Variants in SLC20A2 observed in about 807,000 individuals in gnomAD.
SLC20A2 encodes the protein sodium-dependent phosphate transporter 2.
A neutral mutation model predicts 61.0 loss-of-function variants in SLC20A2; 30 were observed. The ratio of observed to expected loss-of-function variants is 0.49; its 90% CI spans 0.37 to 0.67. The LOEUF is 0.67. SLC20A2 is among the 30% of genes least tolerant of loss of function. The pLI, the probability that SLC20A2 is intolerant of heterozygous loss-of-function variation, is 0.00. For missense variants in SLC20A2, 626 were observed against 866.4 expected, an observed-to-expected ratio of 0.72 and a Z score of 3.48; for synonymous variants, 351 against 353.3, an observed-to-expected ratio of 0.99 and a Z score of 0.07.
Position 42,455,240 on chromosome 8 carries a change from A to T in SLC20A2, c.613+4656T>A, listed in dbSNP as rs1399108092. ...ACTCCGTCTAAAAAAAAAAAAAAAA[A>T]AATATATATATATATATAGAGAGAG... On this transcript the variant is annotated intron_variant, in intron 5 of 10. Coordinates refer to ENST00000520262, the MANE Select transcript of SLC20A2 (RefSeq NM_001257180.2). Among the ~76,000 whole-genome samples, 41 of 95,436 alleles carry T rather than the reference A, an allele frequency of 4.3e-4. No individual in the cohort carries two copies. The East Asian group carries it at 9.9e-3, about 23-fold the overall frequency. 62.6% of individuals were successfully genotyped at this position (95,436 alleles called of 152,430 possible). A position where few individuals can be genotyped will look rare whatever the true frequency, so the allele number is the denominator to read the frequency against.
intron 1 of SLC20A2, among the ~76,000 whole-genome samples, chr8:42,523,312 A>C (rs1811712156): frequency 6.6e-6 from 1 of 152,214 alleles, no homozygotes; most frequent in Admixed American, 6.5e-5. Flanking sequence ...CCTGGGCAAC[A>C]ACAGCGAAAC....
In SLC20A2 at chr8:42,526,630, G is replaced by A. The variant is rs374334360; in HGVS notation, c.-265+15191C>T. Among the ~76,000 whole-genome samples the A allele has an allele frequency of 4.3e-3, 637 of 148,496 alleles. 5 individuals are homozygous for A. Among genetic ancestry groups the A allele is most frequent in the African/African-American group, 0.014 (567 of 40,236 alleles). ...AGAGGTTGCAGTGAGCCGAGATCGC[G>A]CCACTGCACCCCAGCCTGGGCGACA... On this transcript the variant is annotated intron_variant, in intron 1 of 10. Transcript: ENST00000342228.
chr8:42,493,785 G>A (rs1336877283), intron 1 of SLC20A2, among the ~76,000 whole-genome samples: 2 of 152,130 alleles, frequency 1.3e-5, no homozygotes, highest in Non-Finnish European at 2.9e-5. Flanking sequence ...CAGTTTACGT[G>A]GGTGTCTCTC....
Position 42,472,057 on chromosome 8 carries a change from G to A in SLC20A2, c.289+45C>T. ...TGGGCAAAGTACTGCAGGGAAGCGG[G>A]TCAGTGGGCGGATGTCCCATCGGTA... is the stretch of plus-strand genomic sequence containing the variant. On this transcript the variant is annotated intron_variant, in intron 2 of 10. Coordinates refer to ENST00000520262, the MANE Select transcript of SLC20A2 (RefSeq NM_001257180.2). This position sits in a 1 kb window ranked among gnomAD's most constrained non-coding sequence, Gnocchi z 4.1. 1 of 1,570,664 alleles carries A rather than the reference G, an allele frequency of 6.4e-7. No homozygotes were observed. Among genetic ancestry groups the A allele is most frequent in the South Asian group, 1.1e-5 (1 of 89,076 alleles).
intron 1 of SLC20A2, among the ~76,000 whole-genome samples, chr8:42,476,402 C>T (rs571371257): frequency 1.3e-5 from 2 of 152,192 alleles, no homozygotes; most frequent in Admixed American, 1.3e-4. Context: ...CGTGCCCGGC[C>T]GGTTTACTGT....
At chr8:42,477,893 C>CTTTCTTTTTTTT (rs1554563244) in intron 1 of SLC20A2, among the ~76,000 whole-genome samples, 1 of 145,664 alleles carries the variant, frequency 6.9e-6, no homozygotes, top group African/African-American at 2.5e-5. Flanking sequence ...TTGGCAATTT[C>CTTTCTTTTTTTT]TTTTTTTTTT....
In SLC20A2 at chr8:42,444,781, A is replaced by G. The variant is rs750838903; in HGVS notation, c.614-19T>C. ...CCGAGCACTGGGAAGGAAAATGAGA[A>G]GCAGTGTCATTACTGGAAACTTCTG... On this transcript the variant is annotated intron_variant, in intron 5 of 10. Transcript: ENST00000520262. 6.3e-7 allele frequency: 1 copy of G among 1,591,172 alleles called. No homozygotes were observed. The highest frequency in any genetic ancestry group is 8.6e-7 in the Non-Finnish European group (1 of 1,159,654).
intron 1 of SLC20A2, among the ~76,000 whole-genome samples, chr8:42,509,554 G>C (rs1810914102): frequency 6.6e-6 from 1 of 151,724 alleles, no homozygotes; most frequent in Admixed American, 6.6e-5. Context: ...GCAACATAGT[G>C]AGATTTCGTC....
intron 1 of SLC20A2, among the ~76,000 whole-genome samples, chr8:42,481,561 G>T (rs1490961675): frequency 6.6e-6 from 1 of 152,054 alleles, no homozygotes; most frequent in African/African-American, 2.4e-5. Flanking sequence ...AATGCTGCCG[G>T]GCTCTCACCC....
intron 1 of SLC20A2, among the ~76,000 whole-genome samples, chr8:42,532,496 T>C (rs1351330807): frequency 1.3e-5 from 2 of 152,182 alleles, no homozygotes; most frequent in East Asian, 1.9e-4. Context: ...TCTTCTAGAA[T>C]ACTAATCTAA....
intron 2 of SLC20A2, among the ~76,000 whole-genome samples, chr8:42,470,716 G>A (rs1807566902): frequency 6.6e-6 from 1 of 152,046 alleles, no homozygotes; most frequent in Non-Finnish European, 1.5e-5. Flanking sequence ...GCTCACGCCT[G>A]TAATCCCAGC....
intron 1 of SLC20A2, among the ~76,000 whole-genome samples, chr8:42,516,941 G>A (rs1191286159): frequency 6.6e-6 from 1 of 152,182 alleles, no homozygotes; most frequent in Non-Finnish European, 1.5e-5. Flanking sequence ...ACATAAGCCT[G>A]TGCCTCAATA....
rs73675069 is a variant in SLC20A2 at position 42,439,474 on chromosome 8, C to T, written c.910G>A (p.Gly304Ser). The change falls in exon 7 of 11, where the codon GGC (glycine) becomes AGC (serine). Residue 304 changes from glycine to serine, a missense_variant. Physicochemically the swap from Gly to Ser is moderately conservative, Grantham distance 56 (BLOSUM62 0). Around this residue, in one of 3 missense-constraint regions of SLC20A2, gnomAD observed 361 missense variants for 422.3 expected, o/e 0.85. Coordinates refer to ENST00000520262, the MANE Select transcript of SLC20A2 (RefSeq NM_001257180.2). ...TLGTSEGTSA[G>S]SHPRAAYGRA... The stretch of plus-strand genomic sequence containing the variant: ...CCGTATGCAGCCCGAGGGTGGCTGC[C>T]CGCAGAAGTGCCTTCCGAGGTCCCC... The T allele has an allele frequency of 0.011, 17,900 of 1,613,694 alleles. 1,109 individuals carry two copies. In the African/African-American group the frequency reaches 0.17, roughly 15 times the overall value.
At chr8:42,526,405 G>A (rs1391712843) in intron 1 of SLC20A2, among the ~76,000 whole-genome samples, 1 of 151,884 alleles carries the variant, frequency 6.6e-6, no homozygotes. Flanking sequence ...TGGGTGTGGT[G>A]GCTCACGCCT....
chr8:42,480,317 C>A (rs1404570643), intron 1 of SLC20A2: 1 of 152,068 alleles, frequency 6.6e-6, no homozygotes, highest in Non-Finnish European at 1.5e-5. Flanking sequence ...TTGACGTTAT[C>A]CAAAATTTTC....
In SLC20A2 at chr8:42,417,962, G is replaced by A. The variant is rs754169784; in HGVS notation, c.1800C>T (p.Gly600=). Reference sequence around the variant, plus strand: ...GGATCCAGCCCACGGCCACCACCGAGCCCACCTGTGGGAGCAGACATTGCA... The same window carrying A: ...GGATCCAGCCCACGGCCACCACCGAACCCACCTGTGGGAGCAGACATTGCA... ...LPVSTTHCKV[G]SVVAVGWIRS... The change falls in exon 11 of 11, where the codon GGC becomes GGT. Residue 600 remains glycine (G), a synonymous_variant. Transcript: ENST00000520262. 2.5e-6 allele frequency: 4 copies of A among 1,613,100 alleles called. No individual in the cohort carries two copies. The Admixed American group carries it at 5.0e-5, about 20-fold the overall frequency.
intron 5 of SLC20A2, among the ~76,000 whole-genome samples, chr8:42,448,868 A>T (rs1419311033): frequency 6.6e-6 from 1 of 152,236 alleles, no homozygotes. Context: ...GATGAGCACA[A>T]GGATTTACTT....
At chr8:42,485,240 C>T (rs777940052) in intron 1 of SLC20A2, among the ~76,000 whole-genome samples, 2 of 152,144 alleles carry the variant, frequency 1.3e-5, no homozygotes, top group Non-Finnish European at 2.9e-5. Context: ...CCTGGGTACA[C>T]TCACGGGGTA....
intron 5 of SLC20A2, 98 bp downstream of exon 5, chr8:42,459,798 C>G: frequency 1.3e-6 from 1 of 779,528 alleles, no homozygotes; most frequent in Non-Finnish European, 2.2e-6. Context: ...ATGAGTAATG[C>G]TTTTTACTGT....
Sources: allele counts gnomAD v4.1 joint callset (sites outside exome capture counted in the v4.1 genomes callset), GRCh38; gene constraint gnomAD v4.1.1; regional missense constraint gnomAD v4.1.1; non-coding constraint Gnocchi (gnomAD v3.1); transcripts MANE v1.5; gene names NCBI Gene and HGNC (gene_info 2026-07-23, HGNC 2026-07-21).